Variants in PRICKLE2 observed in about 807,000 individuals in gnomAD.
The protein encoded by PRICKLE2 is prickle planar cell polarity protein 2, also known as prickle-like protein 2.
A neutral mutation model predicts 81.4 loss-of-function variants in PRICKLE2; 21 were observed. The ratio of observed to expected loss-of-function variants is 0.26; its 90% confidence interval spans 0.18 to 0.37. The LOEUF (loss-of-function observed/expected upper bound fraction) is 0.37, where lower values mean the gene tolerates loss of function less well. Among genes scored for constraint, PRICKLE2 ranks in the 10% least tolerant of loss-of-function variants. The probability of loss-of-function intolerance (pLI) is 1.00; values close to 1 mark genes in which losing one functional copy is unlikely to be tolerated. For synonymous variants in PRICKLE2, 456 were observed against 421.5 expected, an observed-to-expected ratio of 1.08 and a Z score of -1.00; for missense variants, 940 against 1,109.0, an observed-to-expected ratio of 0.85 and a Z score of 2.16.
chr3:64,180,830 T>C (rs1176378168), intron 2 of PRICKLE2, among the ~76,000 whole-genome samples: 1 of 152,106 alleles, frequency 6.6e-6, no homozygotes, highest in Non-Finnish European at 1.5e-5. Context: ...ACCGCCCAGC[T>C]GAGAGTGATT....
intron 7 of PRICKLE2, among the ~76,000 whole-genome samples, chr3:64,136,524 G>A (rs1427336747): frequency 6.6e-6 from 1 of 151,142 alleles, no homozygotes; most frequent in Non-Finnish European, 1.5e-5. Flanking sequence ...ATAGTTTATT[G>A]TTTACATGGA....
chr3:64,148,909 G>T (rs959846625), intron 6 of PRICKLE2, among the ~76,000 whole-genome samples: 2 of 152,162 alleles, frequency 1.3e-5, no homozygotes, highest in Non-Finnish European at 2.9e-5. Context: ...TTCCGTTAAA[G>T]CAGTCTCAAC....
intron 2 of PRICKLE2, among the ~76,000 whole-genome samples, chr3:64,173,019 T>C (rs571718231): frequency 3.2e-4 from 48 of 152,298 alleles, no homozygotes; most frequent in South Asian, 2.9e-3. Flanking sequence ...TTATCTGTGA[T>C]ACGCAAGTGT....
chr3:64,227,845 G>A (rs1009445332), upstream of PRICKLE2, among the ~76,000 whole-genome samples: 3 of 152,200 alleles, frequency 2.0e-5, no homozygotes, highest in African/African-American at 7.2e-5. Flanking sequence ...ATTAACTTCA[G>A]CGCAAATTAG....
intron 2 of PRICKLE2, among the ~76,000 whole-genome samples, chr3:64,249,358 C>T (rs1367782435): frequency 2.6e-5 from 4 of 152,232 alleles, no homozygotes; most frequent in Non-Finnish European, 5.9e-5. Flanking sequence ...AACCACCTCC[C>T]ACCAAGCCCT....
chr3:64,210,312 T>G (rs900999932), intron 1 of PRICKLE2, among the ~76,000 whole-genome samples: 1 of 152,180 alleles, frequency 6.6e-6, no homozygotes, highest in Non-Finnish European at 1.5e-5. Context: ...TCCCCTTTTT[T>G]GGCAAACACT....
intron 7 of PRICKLE2, among the ~76,000 whole-genome samples, chr3:64,133,022 T>TCC (rs2077219940): frequency 6.6e-6 from 1 of 152,140 alleles, no homozygotes; most frequent in Admixed American, 6.6e-5. Context: ...GGATTCAAAA[T>TCC]TCTTCTTTTG....
chr3:64,145,191 C>G (rs1411824527), intron 7 of PRICKLE2, among the ~76,000 whole-genome samples: 2 of 147,066 alleles, frequency 1.4e-5, no homozygotes, highest in African/African-American at 2.5e-5. Context: ...CCTCAACTTC[C>G]TGGGCTCAAG....
rs147617025 is a variant in PRICKLE2, at chr3:64,160,955, AAAACAAACAAACAAAC to A, written c.259-894_259-879del. Among the ~76,000 whole-genome samples, 1,047 of 151,146 alleles carry A rather than the reference AAAACAAACAAACAAAC, an allele frequency of 6.9e-3. 7 individuals carry two copies. Among genetic ancestry groups the A allele is most frequent in the Middle Eastern group, 0.017 (5 of 292 alleles). On this transcript the variant is annotated intron_variant, in intron 3 of 7. Transcript: ENST00000638394. Reference sequence around the variant, plus strand: ...AATATCACCCGTAAAAACAAAAACAAAAACAAACAAACAAACAAACAAACAAACAAAAAAACCAGAA... The same window carrying A: ...AATATCACCCGTAAAAACAAAAACAAAAACAAACAAACAAAAAAACCAGAA...
Position 64,098,628 on chromosome 3 carries a change from A to G in PRICKLE2, c.*423T>C, listed in dbSNP as rs2076603864. On this transcript the variant is annotated 3_prime_UTR_variant, in exon 8 of 8. Transcript: ENST00000638394. Reference sequence around the variant, plus strand: ...AAATATTTTATCAGAACTCTCATTTACATTGCATTTACAATGGACATGTAA... The same window carrying G: ...AAATATTTTATCAGAACTCTCATTTGCATTGCATTTACAATGGACATGTAA... 1.0e-5 allele frequency: 2 copies of G among 200,746 alleles called. No individual in the cohort carries two copies. The highest frequency in any genetic ancestry group is 1.1e-4 in the Admixed American group (2 of 18,924). The allele number at this position is 200,746 out of a possible 1,614,324, so 12.4% of individuals were successfully genotyped here.
In PRICKLE2 at chr3:64,120,965, TA is replaced by T. The variant is rs546707474; in HGVS notation, c.1661-21041del. Among the ~76,000 whole-genome samples, 38 of 152,334 alleles carry T rather than the reference TA, an allele frequency of 2.5e-4. 1 individual carries two copies. In the South Asian group the frequency reaches 7.5e-3, roughly 30 times the overall value. On this transcript the variant is annotated intron_variant, in intron 7 of 7. Coordinates refer to ENST00000638394, the MANE Select transcript of PRICKLE2 (RefSeq NM_198859.4). The stretch of plus-strand genomic sequence containing the variant: ...GCCAGGACTGAATTCTTGGAAAGCA[TA>T]AAGACCTTGAACAGGGCCATGAAAA...
At chr3:64,108,339 G>A (rs1216970595) in intron 7 of PRICKLE2, among the ~76,000 whole-genome samples, 1 of 152,198 alleles carries the variant, frequency 6.6e-6, no homozygotes, top group African/African-American at 2.4e-5. Flanking sequence ...ATGTGTGGCG[G>A]TAGCTTGATC....
intron 7 of PRICKLE2, among the ~76,000 whole-genome samples, chr3:64,111,942 G>A (rs1238330676): frequency 1.3e-5 from 2 of 152,082 alleles, no homozygotes; most frequent in African/African-American, 2.4e-5. Flanking sequence ...TAACTGAGAG[G>A]CAAGAATGCA....
At chr3:64,136,087 T>C (rs1342204998) in intron 7 of PRICKLE2, among the ~76,000 whole-genome samples, 2 of 152,184 alleles carry the variant, frequency 1.3e-5, no homozygotes, top group African/African-American at 2.4e-5. Flanking sequence ...CTTCAGATAA[T>C]GTGCTCTTAA....
rs1391807807 is a variant in PRICKLE2, at chr3:64,092,885, A to G, written c.*6166T>C. On this transcript the variant is annotated 3_prime_UTR_variant, in exon 8 of 8. Transcript: ENST00000638394. Reference sequence around the variant, plus strand: ...TTAATTGTGGTTAAATAAACATAATATAAAATTTACCATCTTAACCACTTT... The same window carrying G: ...TTAATTGTGGTTAAATAAACATAATGTAAAATTTACCATCTTAACCACTTT... 6.6e-6 allele frequency: 1 copy of G among 152,234 alleles called. No homozygotes were observed. The highest frequency in any genetic ancestry group is 2.4e-5 in the African/African-American group (1 of 41,458). The allele number at this position is 152,234 out of a possible 1,614,324, so 9.4% of individuals were successfully genotyped here.
chr3:64,235,686 AC>A (rs1321032503), intron 2 of PRICKLE2, among the ~76,000 whole-genome samples: 1 of 151,928 alleles, frequency 6.6e-6, no homozygotes, highest in Non-Finnish European at 1.5e-5. Context: ...CCAACAGTTA[AC>A]CTCCACTAAT....
chr3:64,231,400 A>G (rs1465380252), intron 2 of PRICKLE2, among the ~76,000 whole-genome samples: 1 of 152,200 alleles, frequency 6.6e-6, no homozygotes, highest in East Asian at 1.9e-4. Flanking sequence ...CTGCACTTAT[A>G]ATGGCAGGTT....
chr3:64,203,508 C>T (rs1163299858), intron 1 of PRICKLE2, among the ~76,000 whole-genome samples: 1 of 152,096 alleles, frequency 6.6e-6, no homozygotes, highest in Non-Finnish European at 1.5e-5. Flanking sequence ...AAATATCCAC[C>T]AATTAAACTC....
chr3:64,141,299 T>G (rs2077357420), intron 7 of PRICKLE2, among the ~76,000 whole-genome samples: 1 of 152,212 alleles, frequency 6.6e-6, no homozygotes, highest in South Asian at 2.1e-4. Flanking sequence ...CCAAGCAATG[T>G]GGCCTTGGGC....
Sources: gnomAD v4.1 joint callset for allele counts (sites outside exome capture counted in the v4.1 genomes callset) on GRCh38, gnomAD v4.1.1 for gene constraint, MANE v1.5 for transcripts, NCBI Gene and HGNC (gene_info 2026-07-23, HGNC 2026-07-21) for gene names.